Variants in KCNMA1 observed in about 807,000 individuals in gnomAD.
KCNMA1 encodes Calcium-activated potassium channel subunit alpha-1.
KCNMA1 carries 29 observed loss-of-function variants against 140.0 expected under a neutral mutation model. That is an observed-to-expected ratio of 0.21 (90% CI 0.15 to 0.28). The LOEUF (loss-of-function observed/expected upper bound fraction) is 0.28, where lower values mean the gene tolerates loss of function less well. Among genes scored for constraint, KCNMA1 ranks in the 10% least tolerant of loss-of-function variants. The pLI is 1.00. For synonymous variants in KCNMA1, 612 were observed against 611.9 expected, an observed-to-expected ratio of 1.00 and a Z score of 0.00; for missense variants, 880 against 1,602.2, an observed-to-expected ratio of 0.55 and a Z score of 7.70.
intron 17 of KCNMA1, among the ~76,000 whole-genome samples, chr10:77,016,265 A>G (rs2092015561): frequency 6.6e-6 from 1 of 152,126 alleles, no homozygotes; most frequent in Non-Finnish European, 1.5e-5. Flanking sequence ...GCTTTCACTT[A>G]TACCCAACCC....
intron 2 of KCNMA1, among the ~76,000 whole-genome samples, chr10:77,382,996 A>G (rs4980141): frequency 0.3 from 10,305 of 34,670 alleles, 397 homozygotes; most frequent in Non-Finnish European, 0.35. Flanking sequence ...GTGTGTGTGT[A>G]TATATATATA....
At chr10:77,075,296 G>C (rs1224653037) in intron 13 of KCNMA1, among the ~76,000 whole-genome samples, 1 of 152,100 alleles carries the variant, frequency 6.6e-6, no homozygotes, top group African/African-American at 2.4e-5. Context: ...TTACTTCCTG[G>C]GCATCGTAGA....
At chr10:77,479,030 C>T (rs2098333741) in intron 1 of KCNMA1, among the ~76,000 whole-genome samples, 1 of 152,084 alleles carries the variant, frequency 6.6e-6, no homozygotes, top group South Asian at 2.1e-4. Context: ...GAAAATAAAA[C>T]GAATCATGAA....
intron 5 of KCNMA1, among the ~76,000 whole-genome samples, chr10:77,124,706 A>C (rs1021266611): frequency 6.6e-6 from 1 of 152,186 alleles, no homozygotes; most frequent in Non-Finnish European, 1.5e-5. Flanking sequence ...AAATGAGCCA[A>C]TGAAGTTCTC....
Position 76,979,254 on chromosome 10 carries a change from C to A in KCNMA1, c.2267-9187G>T, listed in dbSNP as rs180709727. Among the ~76,000 whole-genome samples, 11 of 152,262 alleles carry A rather than the reference C, an allele frequency of 7.2e-5. 2 individuals are homozygous for A. The highest frequency in any genetic ancestry group is 2.6e-4 in the African/African-American group (11 of 41,548). The stretch of plus-strand genomic sequence containing the variant: ...TGGATTTACAAATTGTCAGGCATCC[C>A]AAGGAGTGGAGAAAAGATCATGCTG... On this transcript the variant is annotated intron_variant, in intron 19 of 27. Transcript: ENST00000286628.
chr10:77,453,004 G>A (rs895673187), intron 1 of KCNMA1, among the ~76,000 whole-genome samples: 4 of 152,102 alleles, frequency 2.6e-5, no homozygotes, highest in South Asian at 2.1e-4. Context: ...CCTAGCTGAC[G>A]GGGTTGCTAT....
At chr10:76,923,790 C>T (rs1385218582) in intron 23 of KCNMA1, among the ~76,000 whole-genome samples, 3 of 152,078 alleles carry the variant, frequency 2.0e-5, no homozygotes, top group Non-Finnish European at 4.4e-5. Flanking sequence ...CAAGACAAGC[C>T]TGAGCAACAT....
At chr10:77,111,701 T>C (rs1243120409) in intron 7 of KCNMA1, among the ~76,000 whole-genome samples, 1 of 152,164 alleles carries the variant, frequency 6.6e-6, no homozygotes, top group Non-Finnish European at 1.5e-5. Context: ...AAATAGAGGC[T>C]CAGCCACTGG....
chr10:77,353,975 G>GAT (rs2093200313), intron 2 of KCNMA1, among the ~76,000 whole-genome samples: 1 of 144,502 alleles, frequency 6.9e-6, no homozygotes, highest in African/African-American at 2.7e-5. Context: ...TTTTTTGGGG[G>GAT]GGGGGGTGGT....
chr10:77,305,790 G>A (rs1565866317), intron 2 of KCNMA1, among the ~76,000 whole-genome samples: 1 of 152,146 alleles, frequency 6.6e-6, no homozygotes, highest in Non-Finnish European at 1.5e-5. Context: ...CCACAGCCCT[G>A]TAAATTCTGT....
chr10:77,588,530 A>G (rs1411416398), intron 1 of KCNMA1, among the ~76,000 whole-genome samples: 1 of 152,202 alleles, frequency 6.6e-6, no homozygotes, highest in East Asian at 1.9e-4. Flanking sequence ...AGGGTGCCTC[A>G]GGAATGGCAG....
intron 1 of KCNMA1, among the ~76,000 whole-genome samples, chr10:77,534,955 C>G (rs34265995): frequency 1.9e-3 from 295 of 152,330 alleles, no homozygotes; most frequent in African/African-American, 6.7e-3. Context: ...CAACTGCAAT[C>G]TATACCATAT....
chr10:76,922,120 T>C (rs1479709116), intron 23 of KCNMA1, among the ~76,000 whole-genome samples: 3 of 152,192 alleles, frequency 2.0e-5, no homozygotes, highest in Admixed American at 6.5e-5. Context: ...GGAAACTGTA[T>C]AAACAGATAA....
chr10:77,618,812 A>G (rs1408273231), intron 1 of KCNMA1, among the ~76,000 whole-genome samples: 2 of 152,256 alleles, frequency 1.3e-5, no homozygotes, highest in African/African-American at 4.8e-5. Flanking sequence ...AACACCGTAC[A>G]TAGGGACTTT....
chr10:77,434,617 C>T (rs1428262272), intron 1 of KCNMA1, among the ~76,000 whole-genome samples: 2 of 152,212 alleles, frequency 1.3e-5, no homozygotes, highest in Admixed American at 6.5e-5. Context: ...CAGAACACAG[C>T]TGCTGAGGAA....
chr10:77,604,602 G>A (rs189501783), intron 1 of KCNMA1, among the ~76,000 whole-genome samples: 8 of 151,928 alleles, frequency 5.3e-5, no homozygotes, highest in South Asian at 2.1e-4. Flanking sequence ...CACCTATGTC[G>A]CTTGAACTCA....
chr10:76,966,489 G>C (rs572951575), intron 20 of KCNMA1, among the ~76,000 whole-genome samples: 34 of 152,212 alleles, frequency 2.2e-4, no homozygotes, highest in Non-Finnish European at 4.1e-4. Context: ...ACTTCCTAGA[G>C]AGTTTTCATT....
intron 2 of KCNMA1, among the ~76,000 whole-genome samples, chr10:77,291,386 CAGCA>C (rs2073185613): frequency 6.6e-6 from 1 of 152,002 alleles, no homozygotes; most frequent in Admixed American, 6.6e-5. Flanking sequence ...AGGGATGAGG[CAGCA>C]AAGGTACCAC....
chr10:77,062,520 T>C (rs559371561), intron 14 of KCNMA1, among the ~76,000 whole-genome samples: 80 of 152,312 alleles, frequency 5.3e-4, no homozygotes, highest in Non-Finnish European at 9.0e-4. Flanking sequence ...CTTTCTTACA[T>C]GTCCCTCAAC....
Sources: gnomAD v4.1 joint callset for allele counts (sites outside exome capture counted in the v4.1 genomes callset) on GRCh38, gnomAD v4.1.1 for gene constraint, MANE v1.5 for transcripts, NCBI Gene and HGNC (gene_info 2026-07-23, HGNC 2026-07-21) for gene names.